SYCP2L: variants seen among roughly 807,000 people sequenced by gnomAD.
SYCP2L encodes synaptonemal complex protein 2-like.
In SYCP2L, 98 loss-of-function variants were observed where a neutral mutation model predicts 125.8. That is an observed-to-expected ratio of 0.78 (90% CI 0.66 to 0.92). The LOEUF (loss-of-function observed/expected upper bound fraction) is 0.92. SYCP2L is among the 40% of genes least tolerant of loss of function. The pLI, the probability that SYCP2L is intolerant of heterozygous loss-of-function variation, is 0.00. For synonymous variants in SYCP2L, 317 were observed against 325.4 expected (o/e 0.97, Z 0.28); for missense variants, 842 against 936.4 (o/e 0.90, Z 1.32).
chr6:10,971,667 T>C (rs771339956), intron 29 of SYCP2L, among the ~76,000 whole-genome samples: 6 of 150,314 alleles, frequency 4.0e-5, no homozygotes, highest in Non-Finnish European at 5.9e-5. Context: ...TATTTACACA[T>C]GTATACTTAT....
chr6:10,915,352 A>T (rs1169822688), intron 14 of SYCP2L, among the ~76,000 whole-genome samples: 1 of 152,140 alleles, frequency 6.6e-6, no homozygotes, highest in Non-Finnish European at 1.5e-5. Flanking sequence ...GACTTCCGAT[A>T]CTATGTTGAA....
chr6:10,971,467 AAAAAAAAAG>A (rs1171918663), intron 29 of SYCP2L, among the ~76,000 whole-genome samples: 3 of 151,492 alleles, frequency 2.0e-5, no homozygotes, highest in African/African-American at 7.3e-5. Context: ...CAAAAAAAAA[AAAAAAAAAG>A]AAAGAAAGAA....
chr6:10,934,395 T>C (rs1781055610), intron 20 of SYCP2L, among the ~76,000 whole-genome samples: 1 of 152,156 alleles, frequency 6.6e-6, no homozygotes, highest in African/African-American at 2.4e-5. Context: ...CAACTGGAAA[T>C]TGGCTGGGTG....
chr6:10,960,354 C>T (rs906966463), intron 26 of SYCP2L, among the ~76,000 whole-genome samples: 3 of 152,152 alleles, frequency 2.0e-5, no homozygotes, highest in African/African-American at 7.2e-5. Flanking sequence ...TTCCCATGCT[C>T]TTTCAGGGGC....
chr6:10,917,927 A>G (rs533615316), intron 14 of SYCP2L, among the ~76,000 whole-genome samples: 1 of 152,288 alleles, frequency 6.6e-6, no homozygotes, highest in East Asian at 1.9e-4. Flanking sequence ...TGGATACTAA[A>G]TTCTTGGCTG....
intron 23 of SYCP2L, among the ~76,000 whole-genome samples, chr6:10,943,804 T>A (rs1781263018): frequency 6.6e-6 from 1 of 152,218 alleles, no homozygotes; most frequent in African/African-American, 2.4e-5. Flanking sequence ...TGTAAACAAA[T>A]GACATTATAC....
intron 29 of SYCP2L, among the ~76,000 whole-genome samples, chr6:10,965,333 T>C (rs1781660506): frequency 6.6e-6 from 1 of 152,196 alleles, no homozygotes; most frequent in South Asian, 2.1e-4. Flanking sequence ...GGAAGAAGAA[T>C]GAAGTCAGTC....
intron 14 of SYCP2L, among the ~76,000 whole-genome samples, chr6:10,921,566 A>G (rs1234681500): frequency 6.6e-6 from 1 of 152,106 alleles, no homozygotes; most frequent in African/African-American, 2.4e-5. Flanking sequence ...AATAATAGCC[A>G]TTCTGACTGG....
At chr6:10,928,007 T>C (rs1042321984) in intron 17 of SYCP2L, among the ~76,000 whole-genome samples, 5 of 151,808 alleles carry the variant, frequency 3.3e-5, no homozygotes, top group Non-Finnish European at 7.4e-5. Context: ...GCGGTCAGAG[T>C]TTAAGGTTAT....
chr6:10,896,460 T>TA (rs1780260597), intron 4 of SYCP2L, among the ~76,000 whole-genome samples: 1 of 152,132 alleles, frequency 6.6e-6, no homozygotes, highest in Non-Finnish European at 1.5e-5. Context: ...CGATAGGCTT[T>TA]GGAGGGATAG....
At position 10,912,479 on chromosome 6, in the gene SYCP2L, G is replaced by GA. The variant is rs1458441589; in HGVS notation, c.919-193dup. 6.6e-6 allele frequency among the ~76,000 whole-genome samples: 1 copy of GA among 152,196 alleles called. No individual in the cohort carries two copies. Among genetic ancestry groups the GA allele is most frequent in the African/African-American group, 2.4e-5 (1 of 41,458 alleles). On this transcript the variant is annotated intron_variant, in intron 12 of 29. Transcript: ENST00000283141. This position sits in a 1 kb window ranked among gnomAD's most constrained non-coding sequence, Gnocchi z 4.1. ...ATAGTGGGATTTTTGGAGGGGTGAG[G>GA]AGGAAATGGCTGAGTTCTATAAAAT...
intron 23 of SYCP2L, among the ~76,000 whole-genome samples, chr6:10,949,535 C>T (rs1275418652): frequency 1.3e-5 from 2 of 152,038 alleles, no homozygotes; most frequent in East Asian, 1.9e-4. Context: ...TGGCTGAAAA[C>T]GGTATCCAAA....
intron 8 of SYCP2L, among the ~76,000 whole-genome samples, chr6:10,904,954 C>T (rs944761378): frequency 6.6e-6 from 1 of 151,580 alleles, no homozygotes; most frequent in African/African-American, 2.4e-5. Flanking sequence ...CCAGCCTGAC[C>T]AACATGGTGA....
chr6:10,954,431 C>G lies in SYCP2L; in HGVS notation c.1955-685C>G, dbSNP rs1781464408. ...GAGAGGGAGGGATTCATTCCATAGG[C>G]AGAACCTTGAGGATGGAGGAGAAGC... On this transcript the variant is annotated intron_variant, in intron 23 of 29. Coordinates refer to ENST00000283141, the MANE Select transcript of SYCP2L (RefSeq NM_001040274.3). The surrounding 1 kb of genome is among the most constrained non-coding windows in gnomAD (Gnocchi z 4.8). Among the ~76,000 whole-genome samples the G allele has an allele frequency of 6.6e-6, 1 of 152,064 alleles. No individual in the cohort carries two copies.
intron 28 of SYCP2L, chr6:10,963,443 A>G (rs1289906856): frequency 3.5e-6 from 1 of 283,976 alleles, no homozygotes; most frequent in Non-Finnish European, 6.8e-6. Flanking sequence ...GTGATGGCGT[A>G]TGTGTTTTGT....
At chr6:10,920,098 G>A (rs942735190) in intron 14 of SYCP2L, among the ~76,000 whole-genome samples, 10 of 152,200 alleles carry the variant, frequency 6.6e-5, no homozygotes, top group Admixed American at 1.3e-4. Flanking sequence ...TGGTGCCATC[G>A]TGGGCAGAAC....
intron 14 of SYCP2L, among the ~76,000 whole-genome samples, chr6:10,921,952 C>T (rs375514459): frequency 2.0e-4 from 31 of 152,158 alleles, no homozygotes; most frequent in African/African-American, 5.3e-4. Flanking sequence ...GTGATCTGCC[C>T]GCCTCGGCCT....
intron 25 of SYCP2L, among the ~76,000 whole-genome samples, 198 bp downstream of exon 25, chr6:10,956,440 A>G (rs1226548836): frequency 6.6e-6 from 1 of 152,170 alleles, no homozygotes; most frequent in Non-Finnish European, 1.5e-5. Flanking sequence ...TGGGGCATAC[A>G]AACTTTCAGT....
chr6:10,955,390 T>C (rs375950658), intron 24 of SYCP2L, among the ~76,000 whole-genome samples, 173 bp downstream of exon 24: 1 of 152,220 alleles, frequency 6.6e-6, no homozygotes, highest in Non-Finnish European at 1.5e-5. Context: ...GCACAAATTA[T>C]AGATAAAAGC....
Sources: allele counts gnomAD v4.1 joint callset (sites outside exome capture counted in the v4.1 genomes callset), GRCh38; gene constraint gnomAD v4.1.1; non-coding constraint Gnocchi (gnomAD v3.1); transcripts MANE v1.5; gene names NCBI Gene and HGNC (gene_info 2026-07-23, HGNC 2026-07-21).